The following KCNQ1OT1 variants were observed in gnomAD, a reference collection of about 807,000 sequenced individuals.
KCNQ1OT1 encodes the protein KCNQ1 opposite strand/antisense transcript 1.
At position 2,621,591 on chromosome 11, in the gene KCNQ1OT1, A is replaced by G; in HGVS notation, n.78404T>C. 5.0e-6 allele frequency: 2 copies of G among 398,310 alleles called. No individual in the cohort carries two copies. The highest frequency in any genetic ancestry group is 4.4e-5 in the Admixed American group (1 of 22,710). The allele number at this position is 398,310 out of a possible 1,614,324, so 24.7% of individuals were successfully genotyped here. ...TGCTATTGGTCTGTTCAGGCTTTCT[A>G]TTCCTGATTTAATCTTAGCAGGTTG... On this transcript the variant is annotated non_coding_transcript_exon_variant, in exon 1 of 1. Coordinates refer to ENST00000597346, the Ensembl canonical transcript of KCNQ1OT1. This position sits in a 1 kb window ranked among gnomAD's most constrained non-coding sequence, Gnocchi z 5.7.
chr11:2,666,978 C>A (rs941144941), exon 1 of KCNQ1OT1: 25 of 398,614 alleles, frequency 6.3e-5, no homozygotes, highest in Non-Finnish European at 8.8e-5. Flanking sequence ...GGGGCCCGCC[C>A]GGGAGGGCTG....
Position 2,663,807 on chromosome 11 carries a change from G to T in KCNQ1OT1, n.36188C>A, listed in dbSNP as rs1850012878. ...TGCCCAGTAAATCACCACTATGGGGGTGAGGGCTGCCAGTGCTGGTATCAG... is the reference window on the plus strand; with the variant it reads ...TGCCCAGTAAATCACCACTATGGGGTTGAGGGCTGCCAGTGCTGGTATCAG... On this transcript the variant is annotated non_coding_transcript_exon_variant, in exon 1 of 1. Transcript: ENST00000597346. The surrounding 1 kb of genome is among the most constrained non-coding windows in gnomAD (Gnocchi z 5.2). The T allele has an allele frequency of 2.0e-5, 8 of 398,706 alleles. No homozygotes were observed. The highest frequency in any genetic ancestry group is 1.4e-4 in the East Asian group (4 of 28,078). The allele number at this position is 398,706 out of a possible 1,614,324, so 24.7% of individuals were successfully genotyped here.
chr11:2,675,398 C>A, exon 1 of KCNQ1OT1: 1 of 398,102 alleles, frequency 2.5e-6, no homozygotes. Context: ...AGATATTGGG[C>A]AAATTAATTG....
rs918801911 is a variant in KCNQ1OT1 at position 2,676,115 on chromosome 11, C to T, written n.23880G>A. 10 of 398,506 alleles carry T rather than the reference C, an allele frequency of 2.5e-5. No individual in the cohort carries two copies. The highest frequency in any genetic ancestry group is 2.5e-4 in the East Asian group (7 of 28,094). The allele number at this position is 398,506 out of a possible 1,614,324, so 24.7% of individuals were successfully genotyped here. A position where few individuals can be genotyped will look rare whatever the true frequency, so the allele number is the denominator to read the frequency against. On this transcript the variant is annotated non_coding_transcript_exon_variant, in exon 1 of 1. Transcript: ENST00000597346. This position sits in a 1 kb window ranked among gnomAD's most constrained non-coding sequence, Gnocchi z 4.2. ...TGTGTGTGCATGTACTTAGTAGATA[C>T]GGCTCCTTTTTATACAAATGGTAGC...
rs1205836758 is a variant in KCNQ1OT1, at chr11:2,673,240, AC to A, written n.26754del. On this transcript the variant is annotated non_coding_transcript_exon_variant, in exon 1 of 1. Coordinates refer to ENST00000597346, the Ensembl canonical transcript of KCNQ1OT1. The surrounding 1 kb of genome is among the most constrained non-coding windows in gnomAD (Gnocchi z 4.5). ...GCTGAGTCCCCTGTAGATTCTGGGG[AC>A]TGGGTGATGCAGACTGCAAAGCCTC... The A allele has an allele frequency of 1.8e-5, 7 of 398,562 alleles. No homozygotes were observed. Among genetic ancestry groups the A allele is most frequent in the Non-Finnish European group, 3.1e-5 (7 of 226,084 alleles). 24.7% of individuals were successfully genotyped at this position (398,562 alleles called of 1,614,324 possible). A position where few individuals can be genotyped will look rare whatever the true frequency, so the allele number is the denominator to read the frequency against.
At position 2,657,669 on chromosome 11, in the gene KCNQ1OT1, C is replaced by G. The variant is rs1329793851; in HGVS notation, n.42326G>C. ...TATTTGGATTTCCCCAGTTTAACTA[C>G]TAATGTCCTTTTTCTGTTCCAAGAT... On this transcript the variant is annotated non_coding_transcript_exon_variant, in exon 1 of 1. Coordinates refer to ENST00000597346, the Ensembl canonical transcript of KCNQ1OT1. The surrounding 1 kb of genome is among the most constrained non-coding windows in gnomAD (Gnocchi z 4.8). The G allele has an allele frequency of 2.5e-6, 1 of 398,508 alleles. No individual in the cohort carries two copies. Among genetic ancestry groups the G allele is most frequent in the African/African-American group, 2.1e-5 (1 of 48,642 alleles). The allele number at this position is 398,508 out of a possible 1,614,324, so 24.7% of individuals were successfully genotyped here.
chr11:2,685,335 T>C (rs1165088773), exon 1 of KCNQ1OT1: 1 of 398,556 alleles, frequency 2.5e-6, no homozygotes, highest in Non-Finnish European at 4.4e-6. Flanking sequence ...GACCCAGCCA[T>C]GTCATGGAGG....
rs562034883 is a variant in KCNQ1OT1, at chr11:2,653,455, C to CACACAGCTGGACCCAGCTGTTTCAG, written n.46515_46539dup. 8 of 398,508 alleles carry CACACAGCTGGACCCAGCTGTTTCAG rather than the reference C, an allele frequency of 2.0e-5. No individual in the cohort carries two copies. Among genetic ancestry groups the CACACAGCTGGACCCAGCTGTTTCAG allele is most frequent in the African/African-American group, 6.2e-5 (3 of 48,614 alleles). 24.7% of individuals were successfully genotyped at this position (398,508 alleles called of 1,614,324 possible). A position where few individuals can be genotyped will look rare whatever the true frequency, so the allele number is the denominator to read the frequency against. ...AGCACAAAAGGGACATTTTTTGGCT[C>CACACAGCTGGACCCAGCTGTTTCAG]ACACAGCTGGACCCAGCTGTTTCAG... is the stretch of plus-strand genomic sequence containing the variant. On this transcript the variant is annotated non_coding_transcript_exon_variant, in exon 1 of 1. Coordinates refer to ENST00000597346, the Ensembl canonical transcript of KCNQ1OT1. The surrounding 1 kb of genome is among the most constrained non-coding windows in gnomAD (Gnocchi z 5.3).
At chr11:2,632,972 A>ACATACCACT (rs1299725725) in exon 1 of KCNQ1OT1, 1 of 398,366 alleles carries the variant, frequency 2.5e-6, no homozygotes, top group East Asian at 3.6e-5. Context: ...GTCTACTTTT[A>ACATACCACT]GTTTTTTTGA....
exon 1 of KCNQ1OT1, chr11:2,697,585 G>A (rs559386851): frequency 3.8e-5 from 15 of 398,558 alleles, no homozygotes; most frequent in African/African-American, 1.8e-4. Context: ...ACACATAGGC[G>A]TTAAACTTTA....
Position 2,664,825 on chromosome 11 carries a change from T to C in KCNQ1OT1, n.35170A>G, listed in dbSNP as rs1020816421. 1.3e-5 allele frequency: 5 copies of C among 398,658 alleles called. No homozygotes were observed. In the East Asian group the frequency reaches 1.8e-4, roughly 14 times the overall value. The allele number at this position is 398,658 out of a possible 1,614,324, so 24.7% of individuals were successfully genotyped here. ...TTTCCATTTTTCTTCAGCATTCTAC[T>C]GATGTTAAATGTATTACCATGCTGG... is the stretch of plus-strand genomic sequence containing the variant. On this transcript the variant is annotated non_coding_transcript_exon_variant, in exon 1 of 1. Coordinates refer to ENST00000597346, the Ensembl canonical transcript of KCNQ1OT1. This position sits in a 1 kb window ranked among gnomAD's most constrained non-coding sequence, Gnocchi z 5.1.
In KCNQ1OT1 at chr11:2,620,383, A is replaced by AT. The variant is rs1319689836; in HGVS notation, n.79611dup. The AT allele has an allele frequency of 4.7e-6, 1 of 211,736 alleles. No homozygotes were observed. The highest frequency in any genetic ancestry group is 9.2e-6 in the Non-Finnish European group (1 of 108,896). The allele number at this position is 211,736 out of a possible 1,614,324, so 13.1% of individuals were successfully genotyped here. ...AGGCATGCGCCACCACGTCCAGCTAATTTTGTAGTTTTAGTAGAGACAGGG... is the reference window on the plus strand; with the variant it reads ...AGGCATGCGCCACCACGTCCAGCTAATTTTTGTAGTTTTAGTAGAGACAGGG... On this transcript the variant is annotated non_coding_transcript_exon_variant, in exon 1 of 1. Transcript: ENST00000597346. The surrounding 1 kb of genome is among the most constrained non-coding windows in gnomAD (Gnocchi z 4.5).
exon 1 of KCNQ1OT1, chr11:2,666,960 GCCCT>G (rs1398492143): frequency 5.0e-6 from 2 of 398,614 alleles, no homozygotes; most frequent in South Asian, 2.5e-4. Flanking sequence ...TGCCAAGGAA[GCCCT>G]CTGGGGGCCC....
chr11:2,662,465 C>T (rs1042232676), exon 1 of KCNQ1OT1: 22 of 466,342 alleles, frequency 4.7e-5, no homozygotes, highest in Admixed American at 1.5e-4. Flanking sequence ...GGGCAGATGC[C>T]GGGTGCAGTC....
chr11:2,611,565 G>A lies in KCNQ1OT1; in HGVS notation n.88430C>T. The A allele has an allele frequency of 5.0e-6, 2 of 398,536 alleles. No individual in the cohort carries two copies. Among genetic ancestry groups the A allele is most frequent in the Non-Finnish European group, 8.8e-6 (2 of 226,062 alleles). The allele number at this position is 398,536 out of a possible 1,614,324, so 24.7% of individuals were successfully genotyped here. A position where few individuals can be genotyped will look rare whatever the true frequency, so the allele number is the denominator to read the frequency against. ...CTAGCTTTCTTATTACTGTTTGCAT[G>A]TCATCTTTTTCCATCATTTTACTTT... On this transcript the variant is annotated non_coding_transcript_exon_variant, in exon 1 of 1. Coordinates refer to ENST00000597346, the Ensembl canonical transcript of KCNQ1OT1. This position sits in a 1 kb window ranked among gnomAD's most constrained non-coding sequence, Gnocchi z 5.3.
chr11:2,678,471 T>C lies in KCNQ1OT1; in HGVS notation n.21524A>G. ...AATTTCAACTGCTACCTTTATCATA[T>C]TTCAAACTCTCATTTAATTTGTGTC... On this transcript the variant is annotated non_coding_transcript_exon_variant, in exon 1 of 1. Transcript: ENST00000597346. This position sits in a 1 kb window ranked among gnomAD's most constrained non-coding sequence, Gnocchi z 4.9. 1.0e-5 allele frequency: 4 copies of C among 398,654 alleles called. No individual in the cohort carries two copies. The East Asian group carries it at 1.1e-4, about 11-fold the overall frequency. The allele number at this position is 398,654 out of a possible 1,614,324, so 24.7% of individuals were successfully genotyped here. A position where few individuals can be genotyped will look rare whatever the true frequency, so the allele number is the denominator to read the frequency against.
chr11:2,666,482 T>C (rs1850070134), exon 1 of KCNQ1OT1: 4 of 398,580 alleles, frequency 1.0e-5, no homozygotes. Context: ...CGCCAAGACA[T>C]TCGAGTTGCT....
At chr11:2,680,874 C>T in exon 1 of KCNQ1OT1, 1 of 398,598 alleles carries the variant, frequency 2.5e-6, no homozygotes, top group Non-Finnish European at 4.4e-6. Flanking sequence ...TGAAGATTCA[C>T]CCAGGTTATT....
exon 1 of KCNQ1OT1, chr11:2,641,673 T>C: frequency 1.0e-5 from 4 of 398,368 alleles, no homozygotes; most frequent in Non-Finnish European, 1.8e-5. Flanking sequence ...TGTTTTTGTC[T>C]GTGTTTTTGA....
Sources: allele counts gnomAD v4.1 joint callset, GRCh38; gene constraint gnomAD v4.1.1; non-coding constraint Gnocchi (gnomAD v3.1); transcripts MANE v1.5; gene names NCBI Gene and HGNC (gene_info 2026-07-23, HGNC 2026-07-21).